Variants in CDH4 observed in about 807,000 individuals in gnomAD.
CDH4 encodes cadherin 4.
In CDH4, 33 loss-of-function variants were observed where a neutral mutation model predicts 86.0. The ratio of observed to expected loss-of-function variants is 0.38; its 90% CI spans 0.29 to 0.51. The LOEUF (loss-of-function observed/expected upper bound fraction) is 0.51, where lower values mean the gene tolerates loss of function less well. Ranked by LOEUF, CDH4 falls within the 20% of genes least tolerant of loss-of-function variation. CDH4 has a pLI of 0.86. For synonymous variants in CDH4, 555 were observed against 549.4 expected, an observed-to-expected ratio of 1.01 and a Z score of -0.14; for missense variants, 1,114 against 1,307.4, an observed-to-expected ratio of 0.85 and a Z score of 2.28.
intron 2 of CDH4, among the ~76,000 whole-genome samples, chr20:61,312,576 C>T (rs368159304): frequency 6.6e-6 from 1 of 152,068 alleles, no homozygotes; most frequent in African/African-American, 2.4e-5. Context: ...GACTGCACCC[C>T]CTTCTTTGCT....
chr20:61,587,870 G>A (rs933067809), intron 2 of CDH4, among the ~76,000 whole-genome samples: 2 of 152,106 alleles, frequency 1.3e-5, no homozygotes, highest in South Asian at 2.1e-4. Flanking sequence ...CAGTTCAAGC[G>A]ATAATCCCCC....
chr20:61,297,297 A>C (rs2084360707), intron 2 of CDH4, among the ~76,000 whole-genome samples: 1 of 152,196 alleles, frequency 6.6e-6, no homozygotes, highest in Admixed American at 6.5e-5. Flanking sequence ...GAGGCAGGAG[A>C]ATCGCTTGAA....
intron 2 of CDH4, among the ~76,000 whole-genome samples, chr20:61,539,788 C>T (rs780693810): frequency 1.3e-5 from 2 of 152,230 alleles, no homozygotes. Flanking sequence ...AGGGACACGC[C>T]AGCTCTTGAC....
intron 2 of CDH4, among the ~76,000 whole-genome samples, chr20:61,447,677 C>T (rs6062092): frequency 5.6e-5 from 8 of 142,352 alleles, no homozygotes; most frequent in African/African-American, 1.3e-4. Context: ...AATTTTAATA[C>T]GATGCATGGG....
chr20:61,256,201 C>G (rs896686262), intron 2 of CDH4, among the ~76,000 whole-genome samples: 1 of 152,118 alleles, frequency 6.6e-6, no homozygotes, highest in Non-Finnish European at 1.5e-5. Context: ...TGAGGGGATC[C>G]TTCACTCTCA....
chr20:61,443,481 G>C (rs760231002), intron 2 of CDH4, among the ~76,000 whole-genome samples: 2 of 152,174 alleles, frequency 1.3e-5, no homozygotes, highest in African/African-American at 4.8e-5. Flanking sequence ...TAAATCCAGG[G>C]CTGGTTCTCA....
At chr20:61,689,164 G>A (rs1235927535) in intron 2 of CDH4, among the ~76,000 whole-genome samples, 1 of 152,238 alleles carries the variant, frequency 6.6e-6, no homozygotes, top group African/African-American at 2.4e-5. Flanking sequence ...CAGGGACATT[G>A]TTTGGTGAGG....
At chr20:61,804,759 C>T (rs1008332391) in intron 4 of CDH4, among the ~76,000 whole-genome samples, 3 of 152,288 alleles carry the variant, frequency 2.0e-5, no homozygotes, top group Non-Finnish European at 2.9e-5. Context: ...CATCTAAGTA[C>T]GAAACCAGAA....
chr20:61,381,882 C>G (rs1191938434), intron 2 of CDH4, among the ~76,000 whole-genome samples: 1 of 152,024 alleles, frequency 6.6e-6, no homozygotes, highest in East Asian at 1.9e-4. Flanking sequence ...CGAGGCCAGC[C>G]TGGCCAACAT....
rs1444353077 is a variant in CDH4, at chr20:61,810,585, C to A, written c.577-34083C>A. On this transcript the variant is annotated intron_variant, in intron 4 of 15. Coordinates refer to ENST00000614565, the MANE Select transcript of CDH4 (RefSeq NM_001794.5). This position sits in a 1 kb window ranked among gnomAD's most constrained non-coding sequence, Gnocchi z 4.3. ...GCCCCAGCCCGTGTGCCCGCCTCAC[C>A]CTGCCTCCTGCCTCCCGCCCTGCTC... Among the ~76,000 whole-genome samples the A allele has an allele frequency of 6.6e-6, 1 of 152,168 alleles. No individual in the cohort carries two copies. Among genetic ancestry groups the A allele is most frequent in the Non-Finnish European group, 1.5e-5 (1 of 68,032 alleles).
intron 2 of CDH4, among the ~76,000 whole-genome samples, chr20:61,539,712 T>C (rs2086024922): frequency 6.6e-6 from 1 of 152,180 alleles, no homozygotes; most frequent in Non-Finnish European, 1.5e-5. Flanking sequence ...CCGCCAAGCA[T>C]TGGCTTGGGG....
Position 61,417,470 on chromosome 20 carries a change from G to A in CDH4, c.169+162533G>A, listed in dbSNP as rs897734323. On this transcript the variant is annotated intron_variant, in intron 2 of 15. Coordinates refer to ENST00000614565, the MANE Select transcript of CDH4 (RefSeq NM_001794.5). The surrounding 1 kb of genome is among the most constrained non-coding windows in gnomAD (Gnocchi z 4.0). Reference sequence around the variant, plus strand: ...TGTTTCCTCTAAAAATATCACCCACGTGAGCCAGCACCGTTGGGTCCGGAG... The same window carrying A: ...TGTTTCCTCTAAAAATATCACCCACATGAGCCAGCACCGTTGGGTCCGGAG... Among the ~76,000 whole-genome samples the A allele has an allele frequency of 6.6e-6, 1 of 152,124 alleles. No homozygotes were observed. The highest frequency in any genetic ancestry group is 6.5e-5 in the Admixed American group (1 of 15,270).
chr20:61,347,157 C>G (rs2084684173), intron 2 of CDH4, among the ~76,000 whole-genome samples: 1 of 152,240 alleles, frequency 6.6e-6, no homozygotes, highest in Non-Finnish European at 1.5e-5. Context: ...TTCTCAGAAC[C>G]TGACCTCTGT....
At chr20:61,683,454 G>A (rs572218146) in intron 2 of CDH4, among the ~76,000 whole-genome samples, 7 of 152,122 alleles carry the variant, frequency 4.6e-5, no homozygotes, top group South Asian at 2.1e-4. Flanking sequence ...GGTGTCCCCC[G>A]AACCGCGAGT....
At chr20:61,294,438 G>A (rs1461554387) in intron 2 of CDH4, among the ~76,000 whole-genome samples, 5 of 152,112 alleles carry the variant, frequency 3.3e-5, no homozygotes, top group African/African-American at 9.7e-5. Flanking sequence ...GCCCCGACTC[G>A]GCCCATCCTA....
At chr20:61,729,689 G>C (rs1240196497) in intron 2 of CDH4, among the ~76,000 whole-genome samples, 1 of 152,242 alleles carries the variant, frequency 6.6e-6, no homozygotes, top group Non-Finnish European at 1.5e-5. Flanking sequence ...CCACACCGGA[G>C]AGTGTAAGGC....
chr20:61,499,590 C>A, intron 2 of CDH4: 1 of 1,142,228 alleles, frequency 8.8e-7, no homozygotes, highest in Non-Finnish European at 1.2e-6. Context: ...TGAGGTCACA[C>A]AGGGAGGAGG....
chr20:61,848,628 C>G (rs191401731), intron 5 of CDH4, among the ~76,000 whole-genome samples: 1 of 152,266 alleles, frequency 6.6e-6, no homozygotes, highest in South Asian at 2.1e-4. Context: ...CAGGTTCAAG[C>G]GATTCTCCTG....
rs185145397 is a variant in CDH4, at chr20:61,366,410, G to A, written c.169+111473G>A. ...TCGGTCGGGGAGACCCTAACCCAGC[G>A]GTGCTAGAGGAATTAAAGACACACA... On this transcript the variant is annotated intron_variant, in intron 2 of 15. Transcript: ENST00000614565. Among the ~76,000 whole-genome samples the A allele has an allele frequency of 1.4e-4, 21 of 152,306 alleles. 1 individual carries two copies. In the East Asian group the frequency reaches 2.1e-3, roughly 15 times the overall value.
Sources: allele counts gnomAD v4.1 joint callset (sites outside exome capture counted in the v4.1 genomes callset), GRCh38; gene constraint gnomAD v4.1.1; non-coding constraint Gnocchi (gnomAD v3.1); transcripts MANE v1.5; gene names NCBI Gene and HGNC (gene_info 2026-07-23, HGNC 2026-07-21).